EYA4: variants seen among roughly 807,000 people sequenced by gnomAD.
EYA4 encodes the protein protein phosphatase EYA4.
A neutral mutation model predicts 87.9 loss-of-function variants in EYA4; 31 were observed. The ratio of observed to expected loss-of-function variants is 0.35; its 90% confidence interval spans 0.27 to 0.48. EYA4 has a LOEUF of 0.48. Among genes scored for constraint, EYA4 ranks in the 20% least tolerant of loss-of-function variants. The probability of loss-of-function intolerance (pLI) is 0.99; values close to 1 mark genes in which losing one functional copy is unlikely to be tolerated. For synonymous variants in EYA4, 263 were observed against 270.6 expected (o/e 0.97, Z 0.28); for missense variants, 678 against 761.4 (o/e 0.89, Z 1.29).
chr6:133,287,252 A>T (rs1281299683), intron 2 of EYA4, among the ~76,000 whole-genome samples: 2 of 152,248 alleles, frequency 1.3e-5, no homozygotes, highest in Non-Finnish European at 2.9e-5. Context: ...TTGCAAAGGT[A>T]ACAGTACTAT....
intron 3 of EYA4, among the ~76,000 whole-genome samples, chr6:133,431,673 T>C (rs897396243): frequency 6.6e-6 from 1 of 152,210 alleles, no homozygotes; most frequent in African/African-American, 2.4e-5. Flanking sequence ...TCAGTCTCCT[T>C]AAAATTAATG....
chr6:133,256,437 A>G (rs1014741666), intron 1 of EYA4, among the ~76,000 whole-genome samples: 1 of 151,990 alleles, frequency 6.6e-6, no homozygotes, highest in Non-Finnish European at 1.5e-5. Flanking sequence ...GGAATGATAT[A>G]TTGTTATTCT....
intron 1 of EYA4, among the ~76,000 whole-genome samples, chr6:133,250,502 C>T (rs890519479): frequency 6.6e-6 from 1 of 151,888 alleles, no homozygotes; most frequent in Non-Finnish European, 1.5e-5. Flanking sequence ...ATTAGCTGGG[C>T]GTGGTGGTGG....
intron 2 of EYA4, among the ~76,000 whole-genome samples, chr6:133,361,166 C>G (rs755671969): frequency 1.0e-3 from 155 of 152,304 alleles, no homozygotes; most frequent in Non-Finnish European, 2.0e-3. Context: ...TTGTCGTTGT[C>G]ACAGACTCCC....
chr6:133,268,628 C>A (rs1298398182), intron 1 of EYA4, among the ~76,000 whole-genome samples: 1 of 152,150 alleles, frequency 6.6e-6, no homozygotes, highest in Admixed American at 6.5e-5. Flanking sequence ...TTGCGTGCAT[C>A]ATTTCCAAGG....
chr6:133,412,881 T>C (rs1438396079), intron 3 of EYA4, among the ~76,000 whole-genome samples: 2 of 152,144 alleles, frequency 1.3e-5, no homozygotes. Flanking sequence ...AAGTGGCTAT[T>C]TCCATACTCA....
At chr6:133,463,313 A>T (rs572048511) in intron 9 of EYA4, among the ~76,000 whole-genome samples, 8 of 147,816 alleles carry the variant, frequency 5.4e-5, no homozygotes, top group East Asian at 2.0e-4. Flanking sequence ...GGATCATTAA[A>T]TTTTTTTAAA....
chr6:133,326,657 C>T (rs1406364543), intron 2 of EYA4, among the ~76,000 whole-genome samples: 3 of 152,202 alleles, frequency 2.0e-5, no homozygotes, highest in Non-Finnish European at 2.9e-5. Context: ...GTTCACAGGC[C>T]TTTCTTCCTC....
intron 3 of EYA4, among the ~76,000 whole-genome samples, chr6:133,391,086 G>A (rs992804442): frequency 6.6e-6 from 1 of 152,162 alleles, no homozygotes; most frequent in Non-Finnish European, 1.5e-5. Context: ...AGTTAGGGTA[G>A]GTTAGCACAG....
At chr6:133,282,024 G>A (rs1582837709) in intron 2 of EYA4, among the ~76,000 whole-genome samples, 1 of 152,076 alleles carries the variant, frequency 6.6e-6, no homozygotes, top group East Asian at 1.9e-4. Context: ...CATTGTTGTG[G>A]GCACCTAAGT....
At position 133,481,494 on chromosome 6, in the gene EYA4, A is replaced by G; in HGVS notation, c.1002A>G (p.Thr334=). The G allele has an allele frequency of 1.2e-6, 2 of 1,613,644 alleles. No homozygotes were observed. The highest frequency in any genetic ancestry group is 8.5e-7 in the Non-Finnish European group (1 of 1,179,610). ...GEFDTMQSPS[T]PIKDLDERTC... ...TCGATACCATGCAGAGTCCCTCCACACCCATCAAAGATCTTGATGAGAGAA... is the reference window on the plus strand; with the variant it reads ...TCGATACCATGCAGAGTCCCTCCACGCCCATCAAAGATCTTGATGAGAGAA... Residue 334 remains threonine, a synonymous_variant, in exon 12 of 20, where the codon ACA becomes ACG. Transcript: ENST00000355286.
intron 6 of EYA4, among the ~76,000 whole-genome samples, chr6:133,459,195 T>C (rs1398388333): frequency 6.6e-6 from 1 of 152,180 alleles, no homozygotes; most frequent in African/African-American, 2.4e-5. Context: ...CGTAGTTTTC[T>C]GAGCCAAAGG....
At chr6:133,397,365 C>G (rs1292680211) in intron 3 of EYA4, among the ~76,000 whole-genome samples, 2 of 152,198 alleles carry the variant, frequency 1.3e-5, no homozygotes, top group South Asian at 2.1e-4. Flanking sequence ...TCCAAAACGC[C>G]TACATTTCCA....
intron 3 of EYA4, among the ~76,000 whole-genome samples, chr6:133,405,170 CCT>C (rs975458701): frequency 2.6e-5 from 4 of 152,222 alleles, no homozygotes; most frequent in African/African-American, 9.6e-5. Context: ...TGTTTTACCC[CCT>C]GACTCCCTAA....
intron 3 of EYA4, among the ~76,000 whole-genome samples, chr6:133,439,069 A>G (rs994831354): frequency 1.3e-5 from 2 of 151,330 alleles, no homozygotes. Context: ...AAAAAAAAAA[A>G]AAAAAAAGTC....
chr6:133,332,980 A>G (rs1271600914), intron 2 of EYA4, among the ~76,000 whole-genome samples: 2 of 152,110 alleles, frequency 1.3e-5, no homozygotes, highest in South Asian at 2.1e-4. Flanking sequence ...ACTTCCACTG[A>G]GAAGCCTTCC....
In EYA4 at chr6:133,515,610, AGTGTGTGTGTGAGT is replaced by A. The variant is rs1278395458; in HGVS notation, c.1616+187_1616+200del. On this transcript the variant is annotated intron_variant, in intron 17 of 19. Transcript: ENST00000355286. ...ATGTGCATGAGAGAGAGAGAGAGAGAGTGTGTGTGTGAGTGTGTGTGTGTGTGTGTGTGTGTGTG... is the reference window on the plus strand; with the variant it reads ...ATGTGCATGAGAGAGAGAGAGAGAGAGTGTGTGTGTGTGTGTGTGTGTGTG... Among the ~76,000 whole-genome samples the A allele has an allele frequency of 8.4e-5, 11 of 131,594 alleles. No individual in the cohort carries two copies. In the South Asian group the frequency reaches 2.7e-3, roughly 32 times the overall value. The allele number at this position is 131,594 out of a possible 152,430, so 86.3% of individuals were successfully genotyped here.
intron 2 of EYA4, among the ~76,000 whole-genome samples, chr6:133,342,954 C>A (rs1782913472): frequency 6.6e-6 from 1 of 152,086 alleles, no homozygotes; most frequent in Non-Finnish European, 1.5e-5. Flanking sequence ...GATTTTTGTA[C>A]AATTAATTTT....
chr6:133,332,984 G>A (rs1177254656), intron 2 of EYA4, among the ~76,000 whole-genome samples: 1 of 152,076 alleles, frequency 6.6e-6, no homozygotes, highest in Non-Finnish European at 1.5e-5. Flanking sequence ...CCACTGAGAA[G>A]CCTTCCCAGA....
Sources: allele counts gnomAD v4.1 joint callset (sites outside exome capture counted in the v4.1 genomes callset), GRCh38; gene constraint gnomAD v4.1.1; transcripts MANE v1.5; gene names NCBI Gene and HGNC (gene_info 2026-07-23, HGNC 2026-07-21).